The following CUL3 variants were observed in gnomAD, a reference collection of about 807,000 sequenced individuals.
CUL3 encodes cullin-3.
Under a neutral mutation model 89.1 loss-of-function variants are expected in CUL3, and 19 were observed. That is an observed-to-expected ratio of 0.21 (90% confidence interval 0.15 to 0.31). The LOEUF (loss-of-function observed/expected upper bound fraction) is 0.31, where lower values mean the gene tolerates loss of function less well. CUL3 is among the 10% of genes least tolerant of loss of function. The probability of loss-of-function intolerance (pLI) is 1.00; values close to 1 mark genes in which losing one functional copy is unlikely to be tolerated. For missense variants in CUL3, 469 were observed against 942.3 expected, an observed-to-expected ratio of 0.50 and a Z score of 6.58; for synonymous variants, 351 against 308.4, an observed-to-expected ratio of 1.14 and a Z score of -1.45.
At chr2:224,552,261 T>C (rs1694541966) in intron 2 of CUL3, among the ~76,000 whole-genome samples, 1 of 152,210 alleles carries the variant, frequency 6.6e-6, no homozygotes, top group Non-Finnish European at 1.5e-5. Flanking sequence ...AAAAAACAAA[T>C]TCCTGTGTAA....
chr2:224,499,007 A>G (rs1452763847), intron 11 of CUL3, among the ~76,000 whole-genome samples: 1 of 152,198 alleles, frequency 6.6e-6, no homozygotes, highest in Admixed American at 6.5e-5. Flanking sequence ...ACAAAGATAC[A>G]TGTCAATATG....
intron 2 of CUL3, among the ~76,000 whole-genome samples, chr2:224,547,601 G>C (rs1694352285): frequency 6.6e-6 from 1 of 151,854 alleles, no homozygotes; most frequent in African/African-American, 2.4e-5. Flanking sequence ...ATTTATTTTT[G>C]GGTGGCTGAA....
At chr2:224,501,938 T>C (rs978211553) in intron 10 of CUL3, among the ~76,000 whole-genome samples, 7 of 152,210 alleles carry the variant, frequency 4.6e-5, no homozygotes, top group African/African-American at 1.7e-4. Context: ...GATTTAACTA[T>C]AAATTCCTAA....
chr2:224,515,986 G>A (rs1239816233), intron 3 of CUL3, among the ~76,000 whole-genome samples: 1 of 151,620 alleles, frequency 6.6e-6, no homozygotes, highest in Non-Finnish European at 1.5e-5. Flanking sequence ...CACCATGCCC[G>A]GCCCCAAACA....
At chr2:224,555,910 G>GT (rs1482203310) in intron 2 of CUL3, among the ~76,000 whole-genome samples, 1 of 152,280 alleles carries the variant, frequency 6.6e-6, no homozygotes, top group East Asian at 1.9e-4. Flanking sequence ...CTAAATGTGT[G>GT]TATCATCCAT....
Position 224,583,745 on chromosome 2 carries a change from C to T in CUL3, c.66+1199G>A, listed in dbSNP as rs181879178. ...TAAATTTTAGGAATTCAGAGAGGTC[C>T]TCATGTTCTCTGAAACTAAATCACT... is the stretch of plus-strand genomic sequence containing the variant. On this transcript the variant is annotated intron_variant, in intron 1 of 15. Coordinates refer to ENST00000264414, the MANE Select transcript of CUL3 (RefSeq NM_003590.5). Among the ~76,000 whole-genome samples the T allele has an allele frequency of 3.9e-5, 6 of 152,254 alleles. No individual in the cohort carries two copies. In the East Asian group the frequency reaches 9.6e-4, roughly 24 times the overall value.
intron 3 of CUL3, among the ~76,000 whole-genome samples, chr2:224,526,669 G>GCCTGTGTATTCACTGTAAGTAT (rs1693492969): frequency 6.6e-6 from 1 of 150,904 alleles, no homozygotes; most frequent in Non-Finnish European, 1.5e-5. Flanking sequence ...TTCATGTTAG[G>GCCTGTGTATTCACTGTAAGTAT]CAGTGTAAAC....
intron 3 of CUL3, 144 bp from the exon 4 acceptor site, chr2:224,514,916 GCAACTTT>G: frequency 1.8e-6 from 1 of 561,954 alleles, no homozygotes; most frequent in Non-Finnish European, 3.0e-6. Context: ...TAAGCAATGT[GCAACTTT>G]CCAGCACCTC....
At chr2:224,565,280 T>A (rs1203015985) in intron 1 of CUL3, among the ~76,000 whole-genome samples, 1 of 152,210 alleles carries the variant, frequency 6.6e-6, no homozygotes, top group South Asian at 2.1e-4. Flanking sequence ...TATTTGGTAT[T>A]CAATAAGTGG....
At chr2:224,577,099 T>C (rs1426229227) in intron 1 of CUL3, among the ~76,000 whole-genome samples, 2 of 152,224 alleles carry the variant, frequency 1.3e-5, no homozygotes, top group Non-Finnish European at 2.9e-5. Context: ...ACATCCAATT[T>C]TAATATTGGC....
intron 3 of CUL3, chr2:224,533,144 CTG>C (rs910952432): frequency 6.6e-6 from 1 of 152,188 alleles, no homozygotes; most frequent in Non-Finnish European, 1.5e-5. Flanking sequence ...GACCACAGGT[CTG>C]TGATGCGACA....
chr2:224,532,501 C>G (rs1433701958), intron 3 of CUL3, among the ~76,000 whole-genome samples: 1 of 151,488 alleles, frequency 6.6e-6, no homozygotes, highest in Non-Finnish European at 1.5e-5. Context: ...TTAGCAGTCT[C>G]TCTATTCTGA....
At chr2:224,580,209 G>A (rs952836714) in intron 1 of CUL3, among the ~76,000 whole-genome samples, 2 of 152,156 alleles carry the variant, frequency 1.3e-5, no homozygotes, top group Admixed American at 1.3e-4. Context: ...TGTGCAAGGC[G>A]GGAAAGCTTA....
chr2:224,491,701 T>C (rs547724831), intron 13 of CUL3, among the ~76,000 whole-genome samples: 1 of 152,288 alleles, frequency 6.6e-6, no homozygotes, highest in South Asian at 2.1e-4. Context: ...TAGTTTGTCA[T>C]CAGATACAAC....
chr2:224,495,706 T>C (rs906598625), intron 13 of CUL3, 126 bp downstream of exon 13: 2 of 708,606 alleles, frequency 2.8e-6, no homozygotes, highest in East Asian at 2.7e-5. Context: ...CCATGATCCA[T>C]TTTATACAGT....
chr2:224,585,022 CT>C lies in CUL3; in HGVS notation c.-14del. Reference sequence around the variant, plus strand: ...TCAGATTCGACATGGTGCTCGTCCCCTCCCCGGCGGCGGCTTCAGGTCGCGC... The same window carrying C: ...TCAGATTCGACATGGTGCTCGTCCCCCCCCGGCGGCGGCTTCAGGTCGCGC... On this transcript the variant is annotated 5_prime_UTR_variant, in exon 1 of 16. Transcript: ENST00000264414. 2.0e-6 allele frequency: 3 copies of C among 1,493,924 alleles called. No homozygotes were observed. The highest frequency in any genetic ancestry group is 1.5e-5 in the African/African-American group (1 of 68,532). The allele number at this position is 1,493,924 out of a possible 1,614,324, so 92.5% of individuals were successfully genotyped here.
intron 1 of CUL3, among the ~76,000 whole-genome samples, chr2:224,582,126 C>T (rs1237882077): frequency 1.3e-5 from 2 of 152,032 alleles, no homozygotes; most frequent in South Asian, 2.1e-4. Context: ...CACCACGCCC[C>T]GCTAATTTTT....
At chr2:224,556,766 G>T (rs987467991) in intron 2 of CUL3, among the ~76,000 whole-genome samples, 1 of 152,048 alleles carries the variant, frequency 6.6e-6, no homozygotes, top group Admixed American at 6.6e-5. Context: ...GTCTTTTGGG[G>T]TAGATGAAAT....
chr2:224,500,554 C>A, intron 10 of CUL3, 67 bp from the exon 11 acceptor site: 1 of 1,502,760 alleles, frequency 6.7e-7, no homozygotes, highest in South Asian at 1.2e-5. Context: ...TCTGTTTAGA[C>A]ATTGTGTTAG....
Sources: allele counts gnomAD v4.1 joint callset (sites outside exome capture counted in the v4.1 genomes callset), GRCh38; gene constraint gnomAD v4.1.1; transcripts MANE v1.5; gene names NCBI Gene and HGNC (gene_info 2026-07-23, HGNC 2026-07-21).